Variants in ZNF527 observed in about 807,000 individuals in gnomAD.
ZNF527 encodes the protein zinc finger protein 527.
Under a neutral mutation model 13.5 loss-of-function variants are expected in ZNF527, and 5 were observed. The ratio of observed to expected loss-of-function variants is 0.37; its 90% CI spans 0.19 to 0.78. The LOEUF (loss-of-function observed/expected upper bound fraction) is 0.78. Ranked by LOEUF, ZNF527 falls within the 30% of genes least tolerant of loss-of-function variation. The probability of loss-of-function intolerance (pLI) is 0.48; values close to 1 mark genes in which losing one functional copy is unlikely to be tolerated. For synonymous variants in ZNF527, 209 were observed against 243.1 expected (o/e 0.86, Z 1.30); for missense variants, 628 against 726.4 (o/e 0.86, Z 1.56).
Position 37,389,350 on chromosome 19 carries a change from G to C in ZNF527, c.1301G>C (p.Arg434Thr). ...SRRIALTLHQ[R>T]IHTGEKPFKC... is the part of the protein sequence containing the mutation. ...CGCATAGCCCTTACTCTACATCAAA[G>C]AATTCACACAGGAGAGAAACCCTTC... The change falls in exon 5 of 5, where the codon AGA becomes ACA. Residue 434 changes from arginine to threonine, a missense_variant. Transcript: ENST00000436120. 1.9e-6 allele frequency: 3 copies of C among 1,614,178 alleles called. No individual in the cohort carries two copies. The highest frequency in any genetic ancestry group is 2.5e-6 in the Non-Finnish European group (3 of 1,180,046).
At position 37,388,539 on chromosome 19, in the gene ZNF527, G is replaced by T. The variant is rs373875745; in HGVS notation, c.490G>T (p.Glu164Ter). 3.7e-6 allele frequency: 6 copies of T among 1,613,992 alleles called. No individual in the cohort carries two copies. Among genetic ancestry groups the T allele is most frequent in the South Asian group, 2.2e-5 (2 of 91,086 alleles). Reference protein sequence around the residue: ...KEISTGKRDNEFSNSGRSIPL... With the variant: ...KEISTGKRDN The stretch of plus-strand genomic sequence containing the variant: ...AATCTCTACTGGGAAAAGAGACAAT[G>T]AATTTAGTAATTCTGGGAGAAGCAT... Residue 164 changes from glutamate to a stop codon, truncating the protein, a stop_gained, in exon 5 of 5, where the codon GAA (glutamate) becomes TAA (stop). Coordinates refer to ENST00000436120, the MANE Select transcript of ZNF527 (RefSeq NM_032453.2). LOFTEE classifies it low-confidence loss of function (END_TRUNC).
At chr19:37,379,467 T>C in intron 3 of ZNF527, 1 of 329,328 alleles carries the variant, frequency 3.0e-6, no homozygotes, top group East Asian at 6.3e-5. Flanking sequence ...TTTCTTTTTT[T>C]TTTTTTTTTT....
At chr19:37,375,290 C>CTTTCTT (rs1555826934) in intron 2 of ZNF527, among the ~76,000 whole-genome samples, 2 of 112,350 alleles carry the variant, frequency 1.8e-5, no homozygotes, top group African/African-American at 7.8e-5. Flanking sequence ...TTCTTTCTTT[C>CTTTCTT]TTTCTTTCTT....
At position 37,391,150 on chromosome 19, in the gene ZNF527, A is replaced by G. The variant is rs1421513970; in HGVS notation, c.*1271A>G. 6.6e-6 allele frequency: 1 copy of G among 152,254 alleles called. No individual in the cohort carries two copies. Among genetic ancestry groups the G allele is most frequent in the Non-Finnish European group, 1.5e-5 (1 of 68,048 alleles). The allele number at this position is 152,254 out of a possible 1,614,324, so 9.4% of individuals were successfully genotyped here. On this transcript the variant is annotated 3_prime_UTR_variant, in exon 5 of 5. Transcript: ENST00000436120. ...AAGAGAATAATACTTTCATTTGTTTAATGAATGGCTCTTCATCTTCAAGGA... is the reference window on the plus strand; with the variant it reads ...AAGAGAATAATACTTTCATTTGTTTGATGAATGGCTCTTCATCTTCAAGGA...
intron 4 of ZNF527, among the ~76,000 whole-genome samples, chr19:37,383,673 G>T (rs1298691762): frequency 6.6e-6 from 1 of 151,620 alleles, no homozygotes; most frequent in Non-Finnish European, 1.5e-5. Flanking sequence ...CAAGTAGCTG[G>T]GACTACAGGT....
At chr19:37,383,600 G>A (rs569248433) in intron 4 of ZNF527, among the ~76,000 whole-genome samples, 3 of 148,900 alleles carry the variant, frequency 2.0e-5, no homozygotes, top group South Asian at 2.1e-4. Flanking sequence ...GTGCAGTGGC[G>A]CAATCTTGGC....
intron 1 of ZNF527, among the ~76,000 whole-genome samples, chr19:37,371,683 TC>T (rs2040558011): frequency 6.6e-6 from 1 of 152,192 alleles, no homozygotes; most frequent in African/African-American, 2.4e-5. Flanking sequence ...TAGTTTTGTA[TC>T]AGTAATTGTG....
chr19:37,371,976 G>GTTTA (rs2040560577), intron 1 of ZNF527, among the ~76,000 whole-genome samples: 2 of 150,806 alleles, frequency 1.3e-5, no homozygotes, highest in African/African-American at 2.4e-5. Flanking sequence ...AACCCAAGCA[G>GTTTA]TTTAGCTCTA....
intron 4 of ZNF527, chr19:37,385,390 T>G: frequency 2.5e-6 from 1 of 399,128 alleles, no homozygotes; most frequent in Non-Finnish European, 4.4e-6. Flanking sequence ...GTAAGTGTGT[T>G]TCTCTTGATA....
chr19:37,387,282 A>G (rs906216664), intron 4 of ZNF527, among the ~76,000 whole-genome samples: 4 of 152,236 alleles, frequency 2.6e-5, no homozygotes, highest in African/African-American at 9.6e-5. Context: ...TCCTGATTAT[A>G]GCCTTGAACA....
chr19:37,384,726 A>G (rs2040683649), intron 4 of ZNF527: 1 of 510,742 alleles, frequency 2.0e-6, no homozygotes, highest in Non-Finnish European at 3.5e-6. Context: ...ATTTCTGCTG[A>G]TATGAGGAAG....
intron 4 of ZNF527, among the ~76,000 whole-genome samples, chr19:37,386,428 C>G (rs1339239855): frequency 6.6e-6 from 1 of 152,238 alleles, no homozygotes; most frequent in Non-Finnish European, 1.5e-5. Context: ...AGGCGGGAAC[C>G]CCCATGCTTG....
At chr19:37,373,463 C>A (rs1404600229) in intron 1 of ZNF527, among the ~76,000 whole-genome samples, 1 of 152,094 alleles carries the variant, frequency 6.6e-6, no homozygotes, top group Non-Finnish European at 1.5e-5. Flanking sequence ...TTTTGAGAGA[C>A]TACAATGGTC....
chr19:37,376,365 A>T (rs1184067158), intron 2 of ZNF527, among the ~76,000 whole-genome samples: 1 of 151,872 alleles, frequency 6.6e-6, no homozygotes, highest in African/African-American at 2.4e-5. Flanking sequence ...CTTAAAAAAA[A>T]ATAAAAAATA....
intron 3 of ZNF527, chr19:37,380,042 T>G: frequency 3.3e-6 from 2 of 608,968 alleles, no homozygotes; most frequent in Non-Finnish European, 5.0e-6. Context: ...TCTAATTAGT[T>G]CCTAGGTGAT....
intron 1 of ZNF527, among the ~76,000 whole-genome samples, chr19:37,372,820 A>T (rs1189505748): frequency 6.6e-6 from 1 of 152,108 alleles, no homozygotes; most frequent in Admixed American, 6.5e-5. Context: ...GAGGACAAGG[A>T]ACTTACTTCA....
chr19:37,374,296 A>G (rs2040582224), intron 2 of ZNF527, 65 bp downstream of exon 2: 5 of 1,530,992 alleles, frequency 3.3e-6, no homozygotes, highest in Non-Finnish European at 4.5e-6. Flanking sequence ...TTGGGACCAC[A>G]GGGAAAATCA....
At chr19:37,371,661 T>C (rs1268377805) in intron 1 of ZNF527, among the ~76,000 whole-genome samples, 1 of 152,196 alleles carries the variant, frequency 6.6e-6, no homozygotes, top group African/African-American at 2.4e-5. Flanking sequence ...TGACCATCTG[T>C]CTCCGCAGGT....
chr19:37,388,910 A>C lies in ZNF527; in HGVS notation c.861A>C (p.Ser287=), dbSNP rs746140427. 6.2e-7 allele frequency: 1 copy of C among 1,614,024 alleles called. No individual in the cohort carries two copies. Residue 287 remains serine (S), a synonymous_variant, in exon 5 of 5, where the codon TCA becomes TCC. Transcript: ENST00000436120. ...GTGGTGATGCCTTTAGCTGTTACTC[A>C]TTCTTTACTCAACCTCAGAGAATTC... ...DECGDAFSCY[S]FFTQPQRIHS... is the part of the protein sequence containing the mutation.
Sources: gnomAD v4.1 joint callset for allele counts (sites outside exome capture counted in the v4.1 genomes callset) on GRCh38, gnomAD v4.1.1 for gene constraint, MANE v1.5 for transcripts, NCBI Gene and HGNC (gene_info 2026-07-23, HGNC 2026-07-21) for gene names.